The following SYNE2 variants were observed in gnomAD, a reference collection of about 807,000 sequenced individuals.
SYNE2 encodes spectrin repeat containing nuclear envelope protein 2.
SYNE2 carries 431 observed loss-of-function variants against 856.3 expected under a neutral mutation model. That is an observed-to-expected ratio of 0.50 (90% CI 0.47 to 0.55). SYNE2 has a LOEUF of 0.55. Among genes scored for constraint, SYNE2 ranks in the 20% least tolerant of loss-of-function variants. The pLI, the probability that SYNE2 is intolerant of heterozygous loss-of-function variation, is 0.00. For missense variants in SYNE2, 8,129 were observed against 8,023.2 expected (o/e 1.01, Z -0.50); for synonymous variants, 2,923 against 2,872.3 (o/e 1.02, Z -0.56).
rs746375953 is a variant in SYNE2 at position 64,093,329 on chromosome 14, T to C, written c.11977-20T>C. ...CTTAGATTATGACAAAGATTCTTTT[T>C]TGTGGGGGTTATTTTATAGGTAGTC... is the stretch of plus-strand genomic sequence containing the variant. On this transcript the variant is annotated intron_variant, in intron 60 of 115. Transcript: ENST00000555002. 24 of 1,613,152 alleles carry C rather than the reference T, an allele frequency of 1.5e-5. No individual in the cohort carries two copies. The highest frequency in any genetic ancestry group is 1.9e-5 in the Non-Finnish European group (22 of 1,179,490).
intron 34 of SYNE2, among the ~76,000 whole-genome samples, chr14:64,018,143 G>T (rs1225127431): frequency 1.3e-5 from 2 of 152,170 alleles, no homozygotes. Context: ...AGAGGGATTG[G>T]TAGTATGAAA....
chr14:64,158,549 A>G, intron 85 of SYNE2, 76 bp from the exon 86 acceptor site: 1 of 1,510,058 alleles, frequency 6.6e-7, no homozygotes, highest in South Asian at 1.1e-5. Flanking sequence ...CCTAAATTGG[A>G]CACAATGGTA....
intron 57 of SYNE2, among the ~76,000 whole-genome samples, chr14:64,085,448 A>G (rs1595415294): frequency 6.6e-6 from 1 of 152,244 alleles, no homozygotes; most frequent in Non-Finnish European, 1.5e-5. Context: ...GGCTGCTACC[A>G]TAGGCTATTA....
chr14:64,197,609 T>C (rs1208705966), intron 99 of SYNE2, among the ~76,000 whole-genome samples: 1 of 152,258 alleles, frequency 6.6e-6, no homozygotes, highest in African/African-American at 2.4e-5. Context: ...TTAGTATTTT[T>C]TAAATTAGGC....
intron 10 of SYNE2, among the ~76,000 whole-genome samples, chr14:63,965,366 A>G (rs959086362): frequency 3.3e-5 from 5 of 152,196 alleles, no homozygotes; most frequent in African/African-American, 9.7e-5. Flanking sequence ...GATGAAGATA[A>G]TAAGTGGCTT....
intron 18 of SYNE2, among the ~76,000 whole-genome samples, chr14:63,985,365 T>G (rs999704612): frequency 6.6e-6 from 1 of 150,510 alleles, no homozygotes; most frequent in Non-Finnish European, 1.5e-5. Flanking sequence ...ATCTGTGTAC[T>G]CCATAAATAT....
chr14:64,048,622 C>T (rs1386498825), intron 46 of SYNE2: 5 of 154,544 alleles, frequency 3.2e-5, no homozygotes, highest in Non-Finnish European at 7.2e-5. Context: ...AAAAGTGAAA[C>T]AGCAGCCAGA....
At chr14:63,767,179 T>G (rs1429815288) in intron 1 of SYNE2, among the ~76,000 whole-genome samples, 5 of 151,306 alleles carry the variant, frequency 3.3e-5, no homozygotes, top group Non-Finnish European at 5.9e-5. Context: ...CAATCTCGGC[T>G]CACTGCAATC....
rs368855669 is a variant in SYNE2 at position 64,063,166 on chromosome 14, G to A, written c.10212+271G>A. On this transcript the variant is annotated intron_variant, in intron 50 of 115. Transcript: ENST00000555002. The stretch of plus-strand genomic sequence containing the variant: ...TCAAGTGATTTGATTCTCCTGCCTC[G>A]GCCTCCTGAGTAGCTGGGATTACAG... Among the ~76,000 whole-genome samples, 46 of 152,084 alleles carry A rather than the reference G, an allele frequency of 3.0e-4. 1 individual carries two copies. The highest frequency in any genetic ancestry group is 6.0e-4 in the African/African-American group (25 of 41,506).
intron 32 of SYNE2, among the ~76,000 whole-genome samples, chr14:64,015,230 TTCTC>T (rs929295829): frequency 9.9e-5 from 15 of 151,722 alleles, no homozygotes; most frequent in African/African-American, 3.6e-4. Flanking sequence ...GAGTGTTTCT[TTCTC>T]TTCAGTTTTC....
At chr14:63,805,797 A>G (rs1888341780) in intron 1 of SYNE2, among the ~76,000 whole-genome samples, 1 of 152,206 alleles carries the variant, frequency 6.6e-6, no homozygotes, top group Admixed American at 6.5e-5. Context: ...TTGTTTGTAT[A>G]TAGAAATGCT....
intron 2 of SYNE2, among the ~76,000 whole-genome samples, chr14:63,932,979 A>G (rs145875886): frequency 2.6e-4 from 40 of 152,324 alleles, no homozygotes; most frequent in Admixed American, 2.1e-3. Context: ...TTAGGCTAAG[A>G]ATTGATCATT....
chr14:64,143,433 C>CAGCA (rs1253062599), intron 82 of SYNE2, among the ~76,000 whole-genome samples: 2 of 152,148 alleles, frequency 1.3e-5, no homozygotes, highest in Non-Finnish European at 2.9e-5. Context: ...TCAGGATGGC[C>CAGCA]CAGAATTCCA....
intron 110 of SYNE2, 151 bp from the exon 111 acceptor site, chr14:64,220,286 G>A: frequency 1.1e-6 from 1 of 887,820 alleles, no homozygotes; most frequent in Non-Finnish European, 1.8e-6. Flanking sequence ...CTCACCTGAT[G>A]CTTTCCAGCC....
intron 1 of SYNE2, among the ~76,000 whole-genome samples, chr14:63,776,600 C>CTT (rs35847392): frequency 5.2e-5 from 7 of 133,448 alleles, no homozygotes; most frequent in Non-Finnish European, 8.1e-5. Flanking sequence ...TTCTTTCTTT[C>CTT]TTTTTTTTTT....
At chr14:64,037,149 T>C (rs967885419) in intron 45 of SYNE2, among the ~76,000 whole-genome samples, 3 of 151,556 alleles carry the variant, frequency 2.0e-5, no homozygotes, top group African/African-American at 7.3e-5. Flanking sequence ...TTTTTTTTTT[T>C]AATTGATCAT....
chr14:64,166,108 T>C (rs1193157218), intron 90 of SYNE2, among the ~76,000 whole-genome samples: 1 of 152,224 alleles, frequency 6.6e-6, no homozygotes, highest in Non-Finnish European at 1.5e-5. Flanking sequence ...TTAGATCTGG[T>C]CTTGTAACTC....
intron 87 of SYNE2, 78 bp downstream of exon 87, chr14:64,159,520 G>A (rs2098311983): frequency 1.3e-6 from 2 of 1,541,106 alleles, no homozygotes; most frequent in African/African-American, 1.4e-5. Context: ...CATAGGCATT[G>A]TAAAGTCTTC....
At chr14:63,891,590 G>A (rs1048969299) in intron 1 of SYNE2, among the ~76,000 whole-genome samples, 3 of 151,872 alleles carry the variant, frequency 2.0e-5, no homozygotes, top group Admixed American at 2.0e-4. Flanking sequence ...CTTGCTTGCT[G>A]TTCTCGGTTG....
Sources: gnomAD v4.1 joint callset for allele counts (sites outside exome capture counted in the v4.1 genomes callset) on GRCh38, gnomAD v4.1.1 for gene constraint, MANE v1.5 for transcripts, NCBI Gene and HGNC (gene_info 2026-07-23, HGNC 2026-07-21) for gene names.